ABLIM2: variants seen among roughly 807,000 people sequenced by gnomAD.
The protein encoded by ABLIM2 is actin-binding LIM protein 2.
Under a neutral mutation model 97.7 loss-of-function variants are expected in ABLIM2, and 53 were observed. The ratio of observed to expected loss-of-function variants is 0.54; its 90% CI spans 0.44 to 0.68. ABLIM2 has a LOEUF of 0.68. ABLIM2 is among the 30% of genes least tolerant of loss of function. The pLI is 0.00. For synonymous variants in ABLIM2, 361 were observed against 345.8 expected (o/e 1.04, Z -0.49); for missense variants, 835 against 867.2 (o/e 0.96, Z 0.47).
At chr4:7,975,990 T>G (rs764914021) in intron 20 of ABLIM2, among the ~76,000 whole-genome samples, 1 of 152,154 alleles carries the variant, frequency 6.6e-6, no homozygotes, top group South Asian at 2.1e-4. Context: ...AAAGTCCCCA[T>G]GCCCTCACCT....
chr4:7,967,309 A>T (rs1171200482), intron 20 of ABLIM2, among the ~76,000 whole-genome samples: 1 of 152,218 alleles, frequency 6.6e-6, no homozygotes, highest in African/African-American at 2.4e-5. Flanking sequence ...TGCCAGGGAC[A>T]CACAGCACCC....
chr4:8,054,328 G>A lies in ABLIM2; in HGVS notation c.764-82C>T. On this transcript the variant is annotated intron_variant, in intron 7 of 20. Transcript: ENST00000447017. This position sits in a 1 kb window ranked among gnomAD's most constrained non-coding sequence, Gnocchi z 4.9. ...CCTGTGTGGAAACGCAGAGGAGGGAGCTGGTCCATGCACAGACGTGCACTC... is the reference window on the plus strand; with the variant it reads ...CCTGTGTGGAAACGCAGAGGAGGGAACTGGTCCATGCACAGACGTGCACTC... 20 of 1,445,320 alleles carry A rather than the reference G, an allele frequency of 1.4e-5. No individual in the cohort carries two copies. The highest frequency in any genetic ancestry group is 1.8e-5 in the Non-Finnish European group (19 of 1,035,894). 89.5% of individuals were successfully genotyped at this position (1,445,320 alleles called of 1,614,324 possible). A position where few individuals can be genotyped will look rare whatever the true frequency, so the allele number is the denominator to read the frequency against.
chr4:8,056,149 G>A (rs2152019972), intron 7 of ABLIM2, among the ~76,000 whole-genome samples: 1 of 113,660 alleles, frequency 8.8e-6, no homozygotes, highest in African/African-American at 3.2e-5. Flanking sequence ...AGTAACAGAT[G>A]TCTCTTATTA....
At chr4:8,016,565 G>A (rs1283629213) in intron 14 of ABLIM2, among the ~76,000 whole-genome samples, 1 of 152,188 alleles carries the variant, frequency 6.6e-6, no homozygotes, top group East Asian at 1.9e-4. Context: ...GGTTTGCACT[G>A]GGTCTGCCTC....
In ABLIM2 at chr4:8,021,671, G is replaced by C. The variant is rs1773834872; in HGVS notation, c.1268-1368C>G. On this transcript the variant is annotated intron_variant, in intron 12 of 20. Transcript: ENST00000447017. The surrounding 1 kb of genome is among the most constrained non-coding windows in gnomAD (Gnocchi z 5.5). Reference sequence around the variant, plus strand: ...TCGTGAGGAGGGCTCGACAGACACTGGCCCAGAGGGGGCTCTTGCCTGGTG... The same window carrying C: ...TCGTGAGGAGGGCTCGACAGACACTCGCCCAGAGGGGGCTCTTGCCTGGTG... Among the ~76,000 whole-genome samples the C allele has an allele frequency of 1.3e-5, 2 of 152,258 alleles. No individual in the cohort carries two copies. The highest frequency in any genetic ancestry group is 1.3e-4 in the Admixed American group (2 of 15,288).
rs761368156 is a variant in ABLIM2 at position 8,071,618 on chromosome 4, C to A, written c.675+6010G>T. 6.6e-6 allele frequency among the ~76,000 whole-genome samples: 1 copy of A among 152,092 alleles called. No homozygotes were observed. Among genetic ancestry groups the A allele is most frequent in the African/African-American group, 2.4e-5 (1 of 41,484 alleles). On this transcript the variant is annotated intron_variant, in intron 6 of 20. Coordinates refer to ENST00000447017, the MANE Select transcript of ABLIM2 (RefSeq NM_001130083.2). The surrounding 1 kb of genome is among the most constrained non-coding windows in gnomAD (Gnocchi z 6.2). ...GAGGGAAGCCAGGGGCACTGCCAAG[C>A]GCCTTAGGGGGCAAAACGGGGGTGG...
chr4:8,024,450 G>A (rs1343624413), intron 12 of ABLIM2, among the ~76,000 whole-genome samples: 3 of 152,280 alleles, frequency 2.0e-5, no homozygotes, highest in Non-Finnish European at 2.9e-5. Flanking sequence ...AGCCGCCCCC[G>A]TACAGTGCCG....
chr4:8,030,658 C>T (rs187642068), intron 10 of ABLIM2, among the ~76,000 whole-genome samples: 4 of 152,296 alleles, frequency 2.6e-5, no homozygotes, highest in Admixed American at 2.0e-4. Flanking sequence ...CTCCCTTTGG[C>T]GACTGTCTAA....
intron 1 of ABLIM2, among the ~76,000 whole-genome samples, chr4:8,117,768 G>C (rs190127607): frequency 1.3e-5 from 2 of 152,202 alleles, no homozygotes; most frequent in Non-Finnish European, 2.9e-5. Flanking sequence ...CCAGAAGCCA[G>C]CTCCGCTTAC....
intron 3 of ABLIM2, among the ~76,000 whole-genome samples, chr4:8,090,954 C>T (rs907324412): frequency 2.6e-5 from 4 of 152,006 alleles, no homozygotes; most frequent in Non-Finnish European, 4.4e-5. Flanking sequence ...GCCAACCAGC[C>T]TCTCCGCGGA....
intron 9 of ABLIM2, among the ~76,000 whole-genome samples, chr4:8,039,251 C>A (rs1446982507): frequency 6.6e-6 from 1 of 152,186 alleles, no homozygotes; most frequent in Non-Finnish European, 1.5e-5. Context: ...TTGCATCCTC[C>A]CTTCCCCACC....
At position 8,032,414 on chromosome 4, in the gene ABLIM2, G is replaced by A. The variant is rs1213158248; in HGVS notation, c.1048-2638C>T. 6.6e-6 allele frequency among the ~76,000 whole-genome samples: 1 copy of A among 152,148 alleles called. No individual in the cohort carries two copies. The highest frequency in any genetic ancestry group is 1.5e-5 in the Non-Finnish European group (1 of 68,040). Reference sequence around the variant, plus strand: ...CTGCTCAGGGTAGACCCGCGTCCCAGGCGGCCACATCCGCAGGGCTGGCAG... The same window carrying A: ...CTGCTCAGGGTAGACCCGCGTCCCAAGCGGCCACATCCGCAGGGCTGGCAG... On this transcript the variant is annotated intron_variant, in intron 10 of 20. Transcript: ENST00000447017. This position sits in a 1 kb window ranked among gnomAD's most constrained non-coding sequence, Gnocchi z 4.3.
intron 10 of ABLIM2, among the ~76,000 whole-genome samples, chr4:8,030,815 A>G (rs1315303672): frequency 6.6e-6 from 1 of 152,184 alleles, no homozygotes; most frequent in Admixed American, 6.5e-5. Flanking sequence ...TGGGTTTGGC[A>G]GCTCGGTGCA....
At position 8,072,134 on chromosome 4, in the gene ABLIM2, A is replaced by T; in HGVS notation, c.675+5494T>A. ...AACAAAAGCATTAATCTTCCCCAGGAGGCCCTTTCTCCTCCACAGCAGAGG... is the reference window on the plus strand; with the variant it reads ...AACAAAAGCATTAATCTTCCCCAGGTGGCCCTTTCTCCTCCACAGCAGAGG... On this transcript the variant is annotated intron_variant, in intron 6 of 20. Coordinates refer to ENST00000447017, the MANE Select transcript of ABLIM2 (RefSeq NM_001130083.2). This position sits in a 1 kb window ranked among gnomAD's most constrained non-coding sequence, Gnocchi z 5.8. The T allele has an allele frequency of 1.1e-6, 1 of 913,386 alleles. No homozygotes were observed. Among genetic ancestry groups the T allele is most frequent in the Non-Finnish European group, 1.3e-6 (1 of 764,244 alleles). The allele number at this position is 913,386 out of a possible 1,614,324, so 56.6% of individuals were successfully genotyped here. A position where few individuals can be genotyped will look rare whatever the true frequency, so the allele number is the denominator to read the frequency against.
In ABLIM2 at chr4:8,020,150, G is replaced by C. The variant is rs965489126; in HGVS notation, c.1369+52C>G. The C allele has an allele frequency of 4.5e-6, 7 of 1,540,964 alleles. No homozygotes were observed. The African/African-American group carries it at 9.5e-5, about 21-fold the overall frequency. ...TGACAGTTTGGGTGTGGCCAGTTTC[G>C]GTGTGGACAGTTTCAGTGTAAGGAG... On this transcript the variant is annotated intron_variant, in intron 13 of 20. Coordinates refer to ENST00000447017, the MANE Select transcript of ABLIM2 (RefSeq NM_001130083.2).
At chr4:7,977,020 T>A (rs1734023408) in intron 20 of ABLIM2, among the ~76,000 whole-genome samples, 1 of 152,084 alleles carries the variant, frequency 6.6e-6, no homozygotes, top group African/African-American at 2.4e-5. Context: ...AAATCTCATC[T>A]CAAATTGTAA....
chr4:7,967,625 C>T (rs560717549), intron 20 of ABLIM2, among the ~76,000 whole-genome samples: 3 of 152,212 alleles, frequency 2.0e-5, no homozygotes, highest in African/African-American at 4.8e-5. Flanking sequence ...CCACCGGAAG[C>T]CCCTGGTGTG....
At chr4:8,051,626 C>T (rs1398437418) in intron 8 of ABLIM2, among the ~76,000 whole-genome samples, 2 of 151,580 alleles carry the variant, frequency 1.3e-5, no homozygotes, top group Admixed American at 6.6e-5. Context: ...AAAAGGGGTC[C>T]TTGGGCAGTT....
rs559535784 is a variant in ABLIM2 at position 8,061,983 on chromosome 4, C to T, written c.676-929G>A. On this transcript the variant is annotated intron_variant, in intron 6 of 20. Transcript: ENST00000447017. The surrounding 1 kb of genome is among the most constrained non-coding windows in gnomAD (Gnocchi z 4.5). ...GAGCCCAGAGCAGGCTTTTCTCCTG[C>T]GCAGAGCCTGGTGTGGCCTCCTCTG... Among the ~76,000 whole-genome samples the T allele has an allele frequency of 2.6e-4, 39 of 151,962 alleles. No individual in the cohort carries two copies. Among genetic ancestry groups the T allele is most frequent in the Non-Finnish European group, 5.3e-4 (36 of 67,984 alleles).
Sources: gnomAD v4.1 joint callset for allele counts (sites outside exome capture counted in the v4.1 genomes callset) on GRCh38, gnomAD v4.1.1 for gene constraint, Gnocchi (gnomAD v3.1) non-coding constraint, MANE v1.5 for transcripts, NCBI Gene and HGNC (gene_info 2026-07-23, HGNC 2026-07-21) for gene names.